Variants in JAKMIP2 observed in about 807,000 individuals in gnomAD.
JAKMIP2 encodes janus kinase and microtubule interacting protein 2.
JAKMIP2 carries 25 observed loss-of-function variants against 115.0 expected under a neutral mutation model. The ratio of observed to expected loss-of-function variants is 0.22; its 90% CI spans 0.16 to 0.30. JAKMIP2 has a LOEUF of 0.30. Ranked by LOEUF, JAKMIP2 falls within the 10% of genes least tolerant of loss-of-function variation. The probability of loss-of-function intolerance (pLI) is 1.00; values close to 1 mark genes in which losing one functional copy is unlikely to be tolerated. For synonymous variants in JAKMIP2, 334 were observed against 343.6 expected (o/e 0.97, Z 0.31); for missense variants, 642 against 957.6 (o/e 0.67, Z 4.35).
At chr5:147,692,975 A>G (rs1484363688) in intron 1 of JAKMIP2, among the ~76,000 whole-genome samples, 1 of 152,260 alleles carries the variant, frequency 6.6e-6, no homozygotes, top group Non-Finnish European at 1.5e-5. Flanking sequence ...ATATCTTATT[A>G]TCAACCAGCA....
intron 1 of JAKMIP2, among the ~76,000 whole-genome samples, chr5:147,676,364 CCTGAAGGTATCA>C (rs1248291307): frequency 6.6e-6 from 1 of 152,064 alleles, no homozygotes; most frequent in Non-Finnish European, 1.5e-5. Flanking sequence ...AAAGAGCGTG[CCTGAAGGTATCA>C]CTGCACACAG....
At chr5:147,698,874 T>C (rs1752213297) in intron 1 of JAKMIP2, among the ~76,000 whole-genome samples, 1 of 152,156 alleles carries the variant, frequency 6.6e-6, no homozygotes, top group Non-Finnish European at 1.5e-5. Context: ...AAAGTGGTTG[T>C]ACAAAAATAA....
At chr5:147,701,706 A>G (rs1310942122) in intron 1 of JAKMIP2, among the ~76,000 whole-genome samples, 1 of 152,212 alleles carries the variant, frequency 6.6e-6, no homozygotes, top group Non-Finnish European at 1.5e-5. Flanking sequence ...GCCATTATGA[A>G]AGAGGCCCAA....
chr5:147,650,578 T>G (rs752495758), intron 3 of JAKMIP2, 31 bp from the exon 4 acceptor site: 1 of 1,498,684 alleles, frequency 6.7e-7, no homozygotes, highest in South Asian at 1.1e-5. Context: ...GACATTTTAT[T>G]TAACAATGCT....
rs137985448 is a variant in JAKMIP2 at position 147,760,282 on chromosome 5, G to C, written c.-149+22174C>G. Reference sequence around the variant, plus strand: ...AGACTGGTGTTATCCTAGAGATGCAGATGCATGAGATTACCTGGGGAGAAT... The same window carrying C: ...AGACTGGTGTTATCCTAGAGATGCACATGCATGAGATTACCTGGGGAGAAT... On this transcript the variant is annotated intron_variant, in intron 1 of 21. Coordinates refer to ENST00000616793, the MANE Select transcript of JAKMIP2 (RefSeq NM_001270941.2). Among the ~76,000 whole-genome samples the C allele has an allele frequency of 1.6e-4, 24 of 152,082 alleles. No homozygotes were observed. In the East Asian group the frequency reaches 4.5e-3, roughly 28 times the overall value.
At chr5:147,600,525 T>G (rs1009797243) in intron 21 of JAKMIP2, among the ~76,000 whole-genome samples, 1 of 152,198 alleles carries the variant, frequency 6.6e-6, no homozygotes, top group Admixed American at 6.5e-5. Context: ...GATCTCAGGC[T>G]AATATAATTT....
intron 1 of JAKMIP2, among the ~76,000 whole-genome samples, chr5:147,688,086 T>TAA (rs1760657663): frequency 6.6e-6 from 1 of 152,226 alleles, no homozygotes. Flanking sequence ...ACACTCTTTT[T>TAA]CATATCTATT....
chr5:147,728,576 G>A (rs1360788504), intron 1 of JAKMIP2, among the ~76,000 whole-genome samples: 5 of 152,156 alleles, frequency 3.3e-5, no homozygotes, highest in East Asian at 1.9e-4. Flanking sequence ...TATTTGTTGT[G>A]TGTGTGATGT....
intron 1 of JAKMIP2, among the ~76,000 whole-genome samples, chr5:147,699,924 C>G (rs1752255879): frequency 6.6e-6 from 1 of 152,220 alleles, no homozygotes; most frequent in African/African-American, 2.4e-5. Flanking sequence ...GAAAATTATT[C>G]TCTGGCATGA....
chr5:147,643,403 A>G (rs1257133392), intron 7 of JAKMIP2, among the ~76,000 whole-genome samples: 1 of 152,098 alleles, frequency 6.6e-6, no homozygotes, highest in Non-Finnish European at 1.5e-5. Flanking sequence ...AGTGAGAGCA[A>G]CCAACGATGT....
In JAKMIP2 at chr5:147,661,086, C is replaced by T. The variant is rs1235942103; in HGVS notation, c.489G>A (p.Lys163=). The T allele has an allele frequency of 6.2e-7, 1 of 1,614,078 alleles. No homozygotes were observed. The change falls in exon 3 of 22, where the codon AAG becomes AAA. Residue 163 remains lysine, a synonymous_variant. Transcript: ENST00000616793. Reference sequence around the variant, plus strand: ...TGCTCAGAGCCTCGTCCACCTGCTTCTTGGCCGTTTTCAGGTCCGCAATTT... The same window carrying T: ...TGCTCAGAGCCTCGTCCACCTGCTTTTTGGCCGTTTTCAGGTCCGCAATTT... ...LQEIADLKTA[K]KQVDEALSNM...
intron 1 of JAKMIP2, among the ~76,000 whole-genome samples, chr5:147,775,355 A>T (rs917171865): frequency 1.3e-5 from 2 of 152,222 alleles, no homozygotes; most frequent in African/African-American, 4.8e-5. Flanking sequence ...AATTTGGTAG[A>T]GTAGCTTTCT....
chr5:147,610,353 C>T (rs1353803692), intron 20 of JAKMIP2, among the ~76,000 whole-genome samples: 1 of 152,132 alleles, frequency 6.6e-6, no homozygotes, highest in African/African-American at 2.4e-5. Context: ...TGTTGGTGAC[C>T]TTCGGATACA....
intron 3 of JAKMIP2, among the ~76,000 whole-genome samples, chr5:147,654,912 A>G (rs1758602294): frequency 6.6e-6 from 1 of 152,112 alleles, no homozygotes; most frequent in Admixed American, 6.5e-5. Context: ...TTTAACCTGA[A>G]GGGATGTTGA....
chr5:147,758,105 ACG>A (rs1269626862), intron 1 of JAKMIP2, among the ~76,000 whole-genome samples: 6 of 152,282 alleles, frequency 3.9e-5, no homozygotes, highest in African/African-American at 1.4e-4. Flanking sequence ...GTAGTAACAC[ACG>A]GTTTAGTAAA....
intron 20 of JAKMIP2, among the ~76,000 whole-genome samples, chr5:147,606,889 GT>G (rs1405893035): frequency 2.6e-5 from 4 of 151,960 alleles, no homozygotes; most frequent in Non-Finnish European, 4.4e-5. Context: ...TCTTGAAGTG[GT>G]CCTTCCCACG....
At chr5:147,660,661 T>A (rs1216615974) in intron 3 of JAKMIP2, 1 of 412,306 alleles carries the variant, frequency 2.4e-6, no homozygotes, top group Non-Finnish European at 4.5e-6. Flanking sequence ...ATATATATGG[T>A]CCTTGGAGAT....
At chr5:147,670,860 G>A (rs1759545246) in intron 2 of JAKMIP2, among the ~76,000 whole-genome samples, 1 of 152,156 alleles carries the variant, frequency 6.6e-6, no homozygotes, top group South Asian at 2.1e-4. Flanking sequence ...TTAGGCTCTA[G>A]GGACACTAAG....
chr5:147,690,539 T>TTATATATA (rs58086292), intron 1 of JAKMIP2, among the ~76,000 whole-genome samples: 3 of 92,272 alleles, frequency 3.3e-5, no homozygotes, highest in Admixed American at 1.3e-4. Flanking sequence ...ACTAAAGAGA[T>TTATATATA]TATATATATA....
Sources: gnomAD v4.1 joint callset for allele counts (sites outside exome capture counted in the v4.1 genomes callset) on GRCh38, gnomAD v4.1.1 for gene constraint, MANE v1.5 for transcripts, NCBI Gene and HGNC (gene_info 2026-07-23, HGNC 2026-07-21) for gene names.